AQP12B: variants seen among roughly 807,000 people sequenced by gnomAD.
The protein encoded by AQP12B is putative aquaporin-12B.
Under a neutral mutation model 11.5 loss-of-function variants are expected in AQP12B, and 8 were observed. The observed-to-expected ratio is 0.70, with a 90% CI of 0.41 to 1.26. The LOEUF (loss-of-function observed/expected upper bound fraction) is 1.26. Among genes scored for constraint, AQP12B ranks in the 50% most tolerant of loss-of-function variants. AQP12B has a pLI of 0.01. For missense variants in AQP12B, 247 were observed against 322.0 expected (o/e 0.77, Z 1.78); for synonymous variants, 123 against 158.0 (o/e 0.78, Z 1.66).
chr2:240,683,515 G>T (rs2043974596), upstream of AQP12B, among the ~76,000 whole-genome samples: 1 of 152,038 alleles, frequency 6.6e-6, no homozygotes, highest in Non-Finnish European at 1.5e-5. Flanking sequence ...GCTCCTGGCT[G>T]TGTCCCCAGC....
upstream of AQP12B, among the ~76,000 whole-genome samples, chr2:240,683,535 C>A (rs367992525): frequency 1.3e-5 from 2 of 152,052 alleles, no homozygotes; most frequent in Non-Finnish European, 2.9e-5. Flanking sequence ...CTAGGCCAGG[C>A]CCCCTGCACG....
In AQP12B at chr2:240,682,699, G is replaced by C; in HGVS notation, c.139C>G (p.Leu47Val). 1.9e-6 allele frequency: 3 copies of C among 1,613,530 alleles called. No individual in the cohort carries two copies. In the African/African-American group the frequency reaches 4.0e-5, roughly 22 times the overall value. The stretch of plus-strand genomic sequence containing the variant: ...CTCATCTCCAGGAAGCAGGCCCCGA[G>C]CTGCACCGCGCCCACCGCCTCCCGG... ...FAREAVGAVQ[L>V]GACFLEMRTL... Residue 47 changes from leucine (L) to valine (V), a missense_variant, in exon 1 of 3, where the codon CTC (leucine) becomes GTC (valine). Leu to Val is a conservative substitution (Grantham distance 32). This residue lies in a region of AQP12B where 206 missense variants were observed against 173.2 expected (regional missense o/e 1.19). Coordinates refer to ENST00000407834, the MANE Select transcript of AQP12B (RefSeq NM_001102467.2).
At position 240,682,449 on chromosome 2, in the gene AQP12B, C is replaced by T. The variant is rs62187796; in HGVS notation, c.389G>A (p.Arg130His). Residue 130 changes from arginine to histidine, a missense_variant, in exon 1 of 3, where the codon CGC becomes CAC. Coordinates refer to ENST00000407834, the MANE Select transcript of AQP12B (RefSeq NM_001102467.2). ...LGMQAACTLT[R>H]LCWAWELSDL... is the part of the protein sequence containing the mutation. ...ACTGAGCTCCCAGGCCCAGCAGAGG[C>T]GCGTCAGGGTGCAGGCGGCCTGCAT... The T allele has an allele frequency of 0.2, 320,956 of 1,606,910 alleles. 35,495 individuals are homozygous for T. Among genetic ancestry groups the T allele is most frequent in the Non-Finnish European group, 0.22 (261,211 of 1,177,410 alleles).
intron 2 of AQP12B, among the ~76,000 whole-genome samples, chr2:240,680,049 G>GGTGCAT (rs1211541673): frequency 9.5e-6 from 1 of 105,780 alleles, no homozygotes; most frequent in Non-Finnish European, 2.1e-5. Flanking sequence ...CACCTGGGAC[G>GGTGCAT]GGAACCCCAG....
chr2:240,683,433 C>A (rs2043973031), upstream of AQP12B, among the ~76,000 whole-genome samples: 1 of 151,300 alleles, frequency 6.6e-6, no homozygotes, highest in African/African-American at 2.4e-5. Context: ...GTTCTTTGAC[C>A]CAGCCTAGGT....
upstream of AQP12B, among the ~76,000 whole-genome samples, chr2:240,683,151 G>C (rs1317991533): frequency 6.6e-6 from 1 of 150,802 alleles, no homozygotes; most frequent in Non-Finnish European, 1.5e-5. Flanking sequence ...TCCGAGCTCC[G>C]CTCCTCCTAC....
At position 240,682,656 on chromosome 2, in the gene AQP12B, C is replaced by G. The variant is rs555177924; in HGVS notation, c.182G>C (p.Gly61Ala). Residue 61 changes from glycine to alanine, a missense_variant, in exon 1 of 3, where the codon GGG becomes GCG. Gly to Ala is a moderately conservative substitution (Grantham distance 60). Transcript: ENST00000407834. ...FLEMRTLVEL[G>A]PWAGDFGPDL... ...AGGCCCAAAGTCCCCAGCCCAGGGCCCGAGCTCGACCAGCGTCCTCATCTC... is the reference window on the plus strand; with the variant it reads ...AGGCCCAAAGTCCCCAGCCCAGGGCGCGAGCTCGACCAGCGTCCTCATCTC... The G allele has an allele frequency of 2.5e-6, 4 of 1,613,496 alleles. No homozygotes were observed. The Admixed American group carries it at 6.7e-5, about 27-fold the overall frequency.
chr2:240,683,604 GTGTCCC>G (rs2125515961), upstream of AQP12B, among the ~76,000 whole-genome samples: 1 of 151,262 alleles, frequency 6.6e-6, no homozygotes, highest in East Asian at 2.0e-4. Context: ...CACCTCCACT[GTGTCCC>G]CACCTCAGCA....
At position 240,682,791 on chromosome 2, in the gene AQP12B, G is replaced by T. The variant is rs201534317; in HGVS notation, c.47C>A (p.Thr16Asn). The change falls in exon 1 of 3, where the codon ACC becomes AAC. Residue 16 changes from threonine (T) to asparagine (N), a missense_variant. Thr to Asn is a moderately conservative substitution (Grantham distance 65). This residue lies in a region of AQP12B where 206 missense variants were observed against 173.2 expected (regional missense o/e 1.19). Transcript: ENST00000407834. ...VSLSFFFATF[T>N]LCEAARRASK... ...GGCCCGCCTGGCTGCCTCACAGAGG[G>T]TGAAGGTGGCAAAGAAGAAGGAGAG... is the stretch of plus-strand genomic sequence containing the variant. The T allele has an allele frequency of 5.7e-4, 915 of 1,608,486 alleles. 9 individuals are homozygous for T. Among genetic ancestry groups the T allele is most frequent in the Non-Finnish European group, 7.2e-4 (844 of 1,177,472 alleles).
At chr2:240,681,493 T>G (rs1400857269) in intron 1 of AQP12B, among the ~76,000 whole-genome samples, 1 of 68,112 alleles carries the variant, frequency 1.5e-5, no homozygotes, top group Non-Finnish European at 3.2e-5. Flanking sequence ...CTGTCCTGAT[T>G]AGGACCTCGG....
In AQP12B at chr2:240,682,163, G is replaced by T. The variant is rs1575490359; in HGVS notation, c.607+68C>A. 12 of 751,278 alleles carry T rather than the reference G, an allele frequency of 1.6e-5. No homozygotes were observed. In the East Asian group the frequency reaches 2.7e-4, roughly 17 times the overall value. 46.5% of individuals were successfully genotyped at this position (751,278 alleles called of 1,614,324 possible). On this transcript the variant is annotated intron_variant, in intron 1 of 2. Transcript: ENST00000407834. Reference sequence around the variant, plus strand: ...CCCTATCCTGGGTGCAAACGGGCCTGAGTGTGCATGGAGGCCACACAGGTG... The same window carrying T: ...CCCTATCCTGGGTGCAAACGGGCCTTAGTGTGCATGGAGGCCACACAGGTG...
chr2:240,682,558 G>T lies in AQP12B; in HGVS notation c.280C>A (p.Pro94Thr), dbSNP rs769641721. The T allele has an allele frequency of 6.2e-7, 1 of 1,613,318 alleles. No individual in the cohort carries two copies. ...GVTLDGASAN[P>T]TVSLQEFLMA... ...AGGAACTCCTGCAGGGACACGGTGG[G>T]GTTGGCCGAGGCCCCGTCCAAGGTG... Residue 94 changes from proline to threonine, a missense_variant, in exon 1 of 3, where the codon CCC becomes ACC. By Grantham distance (38) the Pro-to-Thr change is conservative. This residue lies in a region of AQP12B where 206 missense variants were observed against 173.2 expected (regional missense o/e 1.19). Coordinates refer to ENST00000407834, the MANE Select transcript of AQP12B (RefSeq NM_001102467.2).
upstream of AQP12B, chr2:240,682,920 G>C (rs1404010702): frequency 6.5e-7 from 1 of 1,549,684 alleles, no homozygotes; most frequent in Non-Finnish European, 8.8e-7. Context: ...CAACCCAGAG[G>C]GCCCAGGCGT....
In AQP12B at chr2:240,682,380, G is replaced by A. The variant is rs567713299; in HGVS notation, c.458C>T (p.Ser153Leu). The change falls in exon 1 of 3, where the codon TCG (serine) becomes TTG (leucine). Residue 153 changes from serine to leucine, a missense_variant. This residue lies in a region of AQP12B where 26 missense variants were observed against 48.3 expected (regional missense o/e 0.54). Transcript: ENST00000407834. The part of the protein sequence containing the change: ...LQSLMAQSCS[S>L]ALRTSVPHGA... ...GTGGGGCACGGATGTGCGCAGGGCC[G>A]AGCTGCAGCTCTGGGCCATGAGGCT... 20 of 1,543,508 alleles carry A rather than the reference G, an allele frequency of 1.3e-5. No individual in the cohort carries two copies. The highest frequency in any genetic ancestry group is 4.8e-5 in the East Asian group (2 of 41,776).
In AQP12B at chr2:240,682,794, A is replaced by G. The variant is rs1301929429; in HGVS notation, c.44T>C (p.Phe15Ser). 2 of 1,605,574 alleles carry G rather than the reference A, an allele frequency of 1.2e-6. No homozygotes were observed. Among genetic ancestry groups the G allele is most frequent in the East Asian group, 2.3e-5 (1 of 44,112 alleles). Residue 15 changes from phenylalanine (F) to serine (S), a missense_variant, in exon 1 of 3, where the codon TTC becomes TCC. Physicochemically the swap from Phe to Ser is radical, Grantham distance 155. Coordinates refer to ENST00000407834, the MANE Select transcript of AQP12B (RefSeq NM_001102467.2). The part of the protein sequence containing the change: ...NVSLSFFFAT[F>S]TLCEAARRAS... ...CCGCCTGGCTGCCTCACAGAGGGTG[A>G]AGGTGGCAAAGAAGAAGGAGAGGGA...
chr2:240,682,549 A>G lies in AQP12B; in HGVS notation c.289T>C (p.Ser97Pro). ...LDGASANPTVSLQEFLMAEES... is the reference protein window; with the variant it reads ...LDGASANPTVPLQEFLMAEES... The stretch of plus-strand genomic sequence containing the variant: ...TCGGCCATGAGGAACTCCTGCAGGG[A>G]CACGGTGGGGTTGGCCGAGGCCCCG... The change falls in exon 1 of 3, where the codon TCC becomes CCC. Residue 97 changes from serine (S) to proline (P), a missense_variant. Around this residue, in one of 4 missense-constraint regions of AQP12B, gnomAD observed 206 missense variants for 173.2 expected, o/e 1.19. Coordinates refer to ENST00000407834, the MANE Select transcript of AQP12B (RefSeq NM_001102467.2). 6.2e-7 allele frequency: 1 copy of G among 1,613,280 alleles called. No homozygotes were observed.
upstream of AQP12B, among the ~76,000 whole-genome samples, chr2:240,683,090 G>T (rs1478235108): frequency 5.3e-5 from 8 of 151,324 alleles, no homozygotes; most frequent in African/African-American, 1.9e-4. Context: ...CACTGGCCAC[G>T]CTCGGCCAGC....
upstream of AQP12B, among the ~76,000 whole-genome samples, chr2:240,683,616 C>T (rs2043976347): frequency 6.6e-6 from 1 of 150,722 alleles, no homozygotes; most frequent in African/African-American, 2.5e-5. Context: ...GTCCCCACCT[C>T]AGCAGGGACC....
At chr2:240,680,899 CAG>C (rs922471411) in intron 1 of AQP12B, among the ~76,000 whole-genome samples, 4 of 63,918 alleles carry the variant, frequency 6.3e-5, no homozygotes, top group African/African-American at 9.5e-5. Flanking sequence ...AGAGGAGAGA[CAG>C]AGAGAGAGAG....
Sources: gnomAD v4.1 joint callset for allele counts (sites outside exome capture counted in the v4.1 genomes callset) on GRCh38, gnomAD v4.1.1 for gene constraint, gnomAD v4.1.1 regional missense constraint, MANE v1.5 for transcripts, NCBI Gene and HGNC (gene_info 2026-07-23, HGNC 2026-07-21) for gene names.